SHPK: variants seen among roughly 807,000 people sequenced by gnomAD.
SHPK encodes the protein carbohydrate kinase-like protein.
Under a neutral mutation model 46.3 loss-of-function variants are expected in SHPK, and 51 were observed. That is an observed-to-expected ratio of 1.10 (90% CI 0.88 to 1.39). SHPK has a LOEUF of 1.39. SHPK is among the 40% of genes most tolerant of loss of function. SHPK has a pLI of 0.00. For synonymous variants in SHPK, 290 were observed against 273.9 expected (o/e 1.06, Z -0.58); for missense variants, 668 against 641.3 (o/e 1.04, Z -0.45).
chr17:3,618,259 C>A (rs1403355274), intron 5 of SHPK, among the ~76,000 whole-genome samples: 1 of 152,018 alleles, frequency 6.6e-6, no homozygotes, highest in Non-Finnish European at 1.5e-5. Context: ...GTGCCCACCA[C>A]CACACCTGGC....
chr17:3,635,469 T>G (rs989437875), intron 1 of SHPK, among the ~76,000 whole-genome samples: 1 of 152,086 alleles, frequency 6.6e-6, no homozygotes, highest in African/African-American at 2.4e-5. Flanking sequence ...TCTCCTGACC[T>G]CGTGATCCGC....
chr17:3,630,901 A>G lies in SHPK; in HGVS notation c.169-555T>C, dbSNP rs375220114. Among the ~76,000 whole-genome samples the G allele has an allele frequency of 8.1e-4, 123 of 152,296 alleles. 4 individuals carry two copies. The South Asian group carries it at 0.023, about 28-fold the overall frequency. On this transcript the variant is annotated intron_variant, in intron 1 of 6. Transcript: ENST00000225519. ...TAGAGGAATCCACAGAAAGTTCAGA[A>G]GAGAAGAAGGGGAAGAGAATTGTGG...
rs978382468 is a variant in SHPK at position 3,615,326 on chromosome 17, C to A, written c.1024+11G>T. ...GGCAGAGAACACAGCGCTGTGTGGGCCACACCTTACCTAGATCTGCCATCC... is the reference window on the plus strand; with the variant it reads ...GGCAGAGAACACAGCGCTGTGTGGGACACACCTTACCTAGATCTGCCATCC... On this transcript the variant is annotated intron_variant, in intron 6 of 6. Transcript: ENST00000225519. 2 of 1,613,696 alleles carry A rather than the reference C, an allele frequency of 1.2e-6. No homozygotes were observed. The highest frequency in any genetic ancestry group is 1.7e-6 in the Non-Finnish European group (2 of 1,179,600).
At chr17:3,611,546 G>A (rs1240665808) in intron 6 of SHPK, among the ~76,000 whole-genome samples, 1 of 152,104 alleles carries the variant, frequency 6.6e-6, no homozygotes, top group Non-Finnish European at 1.5e-5. Flanking sequence ...TCCAGCCTGG[G>A]CAACAAGAGC....
intron 2 of SHPK, among the ~76,000 whole-genome samples, chr17:3,626,438 G>A (rs572973020): frequency 4.6e-5 from 7 of 151,800 alleles, no homozygotes; most frequent in South Asian, 2.1e-4. Context: ...TTAGCTCATC[G>A]GGCGCAGTGG....
chr17:3,626,758 C>T (rs1172501955), intron 2 of SHPK, among the ~76,000 whole-genome samples: 2 of 148,648 alleles, frequency 1.3e-5, no homozygotes, highest in South Asian at 2.1e-4. Flanking sequence ...GGCATGGTGG[C>T]GGGTGCCTGT....
At chr17:3,618,463 G>A (rs555056076) in intron 5 of SHPK, among the ~76,000 whole-genome samples, 1 of 152,126 alleles carries the variant, frequency 6.6e-6, no homozygotes, top group South Asian at 2.1e-4. Flanking sequence ...TCCTTTTTTA[G>A]CTATGTGTAT....
At chr17:3,618,103 C>CTTTG (rs762696518) in intron 5 of SHPK, among the ~76,000 whole-genome samples, 4 of 152,192 alleles carry the variant, frequency 2.6e-5, no homozygotes, top group East Asian at 3.9e-4. Context: ...CAAATAAACT[C>CTTTG]TTTGTTTGTT....
At chr17:3,624,629 A>G (rs1436270164) in intron 2 of SHPK, among the ~76,000 whole-genome samples, 1 of 151,890 alleles carries the variant, frequency 6.6e-6, no homozygotes. Context: ...CTTAGTTCTT[A>G]GCTGATTGCG....
intron 5 of SHPK, among the ~76,000 whole-genome samples, chr17:3,618,141 CTG>C (rs1345707024): frequency 6.6e-6 from 1 of 152,176 alleles, no homozygotes; most frequent in Non-Finnish European, 1.5e-5. Flanking sequence ...GAGTCTCACT[CTG>C]TTGCCCAGGC....
In SHPK at chr17:3,624,199, C is replaced by T. The variant is rs1204972499; in HGVS notation, c.343G>A (p.Val115Met). The T allele has an allele frequency of 4.3e-6, 7 of 1,613,474 alleles. No homozygotes were observed. Among genetic ancestry groups the T allele is most frequent in the African/African-American group, 1.3e-5 (1 of 74,928 alleles). Residue 115 changes from valine to methionine, a missense_variant, in exon 3 of 7, where the codon GTG becomes ATG. Coordinates refer to ENST00000225519, the MANE Select transcript of SHPK (RefSeq NM_013276.4). Reference protein sequence around the residue: ...CEWTEGGITPVFEPRAVSHLV... With the variant: ...CEWTEGGITPMFEPRAVSHLV... ...TGGCTAACAGCTCGGGGCTCGAACA[C>T]CGGGGTAATCCCTCCCTCTGTCCAT...
At chr17:3,631,691 T>C (rs889830846) in intron 1 of SHPK, among the ~76,000 whole-genome samples, 1 of 151,016 alleles carries the variant, frequency 6.6e-6, no homozygotes, top group Non-Finnish European at 1.5e-5. Context: ...CCGGGCTAAT[T>C]TTTGTATTTT....
chr17:3,615,979 A>C (rs2075369591), intron 5 of SHPK, among the ~76,000 whole-genome samples: 1 of 151,400 alleles, frequency 6.6e-6, no homozygotes, highest in Non-Finnish European at 1.5e-5. Context: ...TCAACCTCTC[A>C]AGTAGCTGCG....
chr17:3,619,677 G>A lies in SHPK; in HGVS notation c.823+1560C>T, dbSNP rs145647992. 2.0e-3 allele frequency: 639 copies of A among 322,820 alleles called. 1 individual carries two copies. The highest frequency in any genetic ancestry group is 0.013 in the African/African-American group (589 of 43,788). 20.0% of individuals were successfully genotyped at this position (322,820 alleles called of 1,614,324 possible). A position where few individuals can be genotyped will look rare whatever the true frequency, so the allele number is the denominator to read the frequency against. ...GAACCCCAGAGGCAGAGATTGCAGT[G>A]AGCCGAGATCACACCACTGCACTCC... is the stretch of plus-strand genomic sequence containing the variant. On this transcript the variant is annotated intron_variant, in intron 5 of 6. Coordinates refer to ENST00000225519, the MANE Select transcript of SHPK (RefSeq NM_013276.4).
chr17:3,609,322 T>TGAGAGAGAGAGAGAGAGAGAGAGA lies in SHPK; in HGVS notation c.*1214_*1237dup, dbSNP rs3840876. 1.1e-4 allele frequency: 17 copies of TGAGAGAGAGAGAGAGAGAGAGAGA among 148,668 alleles called. No individual in the cohort carries two copies. Among genetic ancestry groups the TGAGAGAGAGAGAGAGAGAGAGAGA allele is most frequent in the African/African-American group, 3.7e-4 (15 of 40,014 alleles). The allele number at this position is 148,668 out of a possible 1,614,324, so 9.2% of individuals were successfully genotyped here. Reference sequence around the variant, plus strand: ...TATGTTTCATACCTGTCATGGATACTGAGAGAGAGAGAGAGAGAGAGAGAG... The same window carrying TGAGAGAGAGAGAGAGAGAGAGAGA: ...TATGTTTCATACCTGTCATGGATACTGAGAGAGAGAGAGAGAGAGAGAGAGAGAGAGAGAGAGAGAGAGAGAGAG... On this transcript the variant is annotated 3_prime_UTR_variant, in exon 7 of 7. Transcript: ENST00000225519.
intron 2 of SHPK, among the ~76,000 whole-genome samples, chr17:3,628,073 T>C (rs552469162): frequency 1.3e-5 from 2 of 152,026 alleles, no homozygotes; most frequent in East Asian, 3.9e-4. Context: ...CATCACCAAA[T>C]GCCAGTCCCA....
rs374860353 is a variant in SHPK, at chr17:3,617,464, G to T, written c.824-1927C>A. Among the ~76,000 whole-genome samples, 25 of 152,202 alleles carry T rather than the reference G, an allele frequency of 1.6e-4. 1 individual carries two copies. The South Asian group carries it at 5.2e-3, about 32-fold the overall frequency. On this transcript the variant is annotated intron_variant, in intron 5 of 6. Coordinates refer to ENST00000225519, the MANE Select transcript of SHPK (RefSeq NM_013276.4). ...AAGGGAAGCTTCAGGTGTCCAACTG[G>T]GTCAGACAGAAACTAAATTGGGTTT...
rs749332639 is a variant in SHPK, at chr17:3,608,386, T to G, written c.*2174A>C. ...CCAGCATCACTACCAGCATCACTAC[T>G]CTGGTGCTTTGGGGCCCTAATGAAG... On this transcript the variant is annotated 3_prime_UTR_variant, in exon 7 of 7. Coordinates refer to ENST00000225519, the MANE Select transcript of SHPK (RefSeq NM_013276.4). The G allele has an allele frequency of 1.3e-5, 2 of 152,052 alleles. No homozygotes were observed. The highest frequency in any genetic ancestry group is 2.4e-5 in the African/African-American group (1 of 41,380). 9.4% of individuals were successfully genotyped at this position (152,052 alleles called of 1,614,324 possible).
intron 4 of SHPK, chr17:3,622,694 T>G: frequency 1.5e-3 from 602 of 411,598 alleles, no homozygotes; most frequent in Non-Finnish European, 1.8e-3. Flanking sequence ...CTACTATCTC[T>G]AGTTCTTTTT....
Sources: gnomAD v4.1 joint callset for allele counts (sites outside exome capture counted in the v4.1 genomes callset) on GRCh38, gnomAD v4.1.1 for gene constraint, MANE v1.5 for transcripts, NCBI Gene and HGNC (gene_info 2026-07-23, HGNC 2026-07-21) for gene names.